The following SIPA1L3 variants were observed in gnomAD, a reference collection of about 807,000 sequenced individuals.
SIPA1L3 encodes signal induced proliferation associated 1 like 3.
A neutral mutation model predicts 150.1 loss-of-function variants in SIPA1L3; 59 were observed. That is an observed-to-expected ratio of 0.39 (90% confidence interval 0.32 to 0.49). The LOEUF is 0.49. Among genes scored for constraint, SIPA1L3 ranks in the 20% least tolerant of loss-of-function variants. The probability of loss-of-function intolerance (pLI) is 0.86; values close to 1 mark genes in which losing one functional copy is unlikely to be tolerated. For missense variants in SIPA1L3, 2,211 were observed against 2,489.5 expected (o/e 0.89, Z 2.38); for synonymous variants, 1,070 against 1,077.6 (o/e 0.99, Z 0.14).
At chr19:38,195,765 G>C (rs1285583063) in intron 18 of SIPA1L3, among the ~76,000 whole-genome samples, 1 of 139,420 alleles carries the variant, frequency 7.2e-6, no homozygotes, top group Non-Finnish European at 1.5e-5. Flanking sequence ...CCCCTACCAG[G>C]CTGAGTCAGG....
At chr19:38,116,525 C>CA (rs1197701775) in intron 8 of SIPA1L3, among the ~76,000 whole-genome samples, 889 of 83,296 alleles carry the variant, frequency 0.011, 12 homozygotes, top group East Asian at 0.069. Flanking sequence ...GACTCTGTCT[C>CA]AAAAAAAAAA....
chr19:38,114,084 G>A (rs1251122639), intron 8 of SIPA1L3, among the ~76,000 whole-genome samples: 1 of 152,092 alleles, frequency 6.6e-6, no homozygotes, highest in East Asian at 1.9e-4. Flanking sequence ...TATAGGAAAA[G>A]CCTAAATCTG....
chr19:38,105,159 C>T (rs997135256), intron 6 of SIPA1L3, among the ~76,000 whole-genome samples: 1 of 151,940 alleles, frequency 6.6e-6, no homozygotes, highest in South Asian at 2.1e-4. Context: ...GGGGTTCAAC[C>T]AGCCTGGGCA....
chr19:37,987,344 G>A (rs575496148), intron 1 of SIPA1L3, among the ~76,000 whole-genome samples: 6 of 152,260 alleles, frequency 3.9e-5, no homozygotes, highest in African/African-American at 9.6e-5. Flanking sequence ...TCTGGGACAC[G>A]CACTTTGAAT....
In SIPA1L3 at chr19:37,976,275, G is replaced by A. The variant is rs544600156; in HGVS notation, c.-378-52814G>A. ...TCCTTGGGTCTTCGTCTTGTTGTAC[G>A]TCTCTTATTGGGTTTCTCTCCCTGG... On this transcript the variant is annotated intron_variant, in intron 1 of 21. Transcript: ENST00000222345. Among the ~76,000 whole-genome samples, 9 of 152,170 alleles carry A rather than the reference G, an allele frequency of 5.9e-5. No homozygotes were observed. The East Asian group carries it at 1.4e-3, about 23-fold the overall frequency.
chr19:37,960,277 G>A (rs2046845385), intron 1 of SIPA1L3, among the ~76,000 whole-genome samples: 1 of 152,120 alleles, frequency 6.6e-6, no homozygotes. Context: ...TTTGGTGCAG[G>A]GTCTTGCTCT....
At chr19:37,941,947 A>C (rs1043790632) in intron 1 of SIPA1L3, among the ~76,000 whole-genome samples, 3 of 152,228 alleles carry the variant, frequency 2.0e-5, no homozygotes, top group African/African-American at 7.2e-5. Flanking sequence ...TGAGAGCAGT[A>C]GCACGCTTGA....
In SIPA1L3 at chr19:38,206,146, A is replaced by G. The variant is rs1209783183; in HGVS notation, c.5252A>G (p.Gln1751Arg). The change falls in exon 22 of 22, where the codon CAG becomes CGG. Residue 1751 changes from glutamine (Q) to arginine (R), a missense_variant. Gln to Arg is a conservative substitution (Grantham distance 43). Around this residue, in one of 5 missense-constraint regions of SIPA1L3, gnomAD observed 63 missense variants for 106.1 expected, o/e 0.59. Transcript: ENST00000222345. ...VLQSEVASLR[Q>R]NNQRLQEESQ... is the part of the protein sequence containing the mutation. The stretch of plus-strand genomic sequence containing the variant: ...CAGTCAGAGGTGGCCAGCCTGCGGC[A>G]GAACAACCAGCGGCTGCAGGAGGAG... 1.9e-6 allele frequency: 3 copies of G among 1,551,282 alleles called. No homozygotes were observed. The highest frequency in any genetic ancestry group is 1.7e-6 in the Non-Finnish European group (2 of 1,146,970).
At chr19:38,160,406 CT>C (rs1013776043) in intron 13 of SIPA1L3, among the ~76,000 whole-genome samples, 173 of 134,788 alleles carry the variant, frequency 1.3e-3, no homozygotes, top group Admixed American at 1.1e-3. Flanking sequence ...AGCTGCTACT[CT>C]TTTTTTTTTT....
Position 38,192,315 on chromosome 19 carries a change from G to A in SIPA1L3, c.4596+5G>A, listed in dbSNP as rs910097677. On this transcript the variant is annotated splice_donor_5th_base_variant and intron_variant, in intron 17 of 21. Coordinates refer to ENST00000222345, the MANE Select transcript of SIPA1L3 (RefSeq NM_015073.3). ...GAGCAGGAGAGAGACACGGGAGTAC[G>A]TAGGGCCCTGTCCCCCGCTCCCGAC... 4.4e-6 allele frequency: 7 copies of A among 1,592,578 alleles called. No homozygotes were observed. The South Asian group carries it at 5.7e-5, about 13-fold the overall frequency.
chr19:38,104,037 A>G (rs1006892739), intron 6 of SIPA1L3, among the ~76,000 whole-genome samples: 1 of 151,900 alleles, frequency 6.6e-6, no homozygotes, highest in East Asian at 1.9e-4. Context: ...TGGGGAATGG[A>G]CTACCACTGT....
At chr19:37,996,992 C>A (rs833899) in intron 1 of SIPA1L3, among the ~76,000 whole-genome samples, 57,798 of 151,866 alleles carry the variant, frequency 0.38, 11,265 homozygotes, top group South Asian at 0.47. Context: ...CCACCGTGCC[C>A]GGCCAATCCT....
intron 10 of SIPA1L3, among the ~76,000 whole-genome samples, chr19:38,134,403 CAAAAAA>C (rs1175309814): frequency 1.6e-5 from 1 of 64,052 alleles, no homozygotes; most frequent in South Asian, 6.6e-4. Flanking sequence ...CAAGCTTTCT[CAAAAAA>C]AAAAAAAAAA....
intron 7 of SIPA1L3, 118 bp from the exon 8 acceptor site, chr19:38,110,109 G>A: frequency 3.1e-6 from 3 of 969,214 alleles, no homozygotes; most frequent in Non-Finnish European, 4.8e-6. Flanking sequence ...TCCTTGGGCT[G>A]TGTGTGAGCA....
chr19:37,998,632 AAATT>A (rs1967701846), intron 1 of SIPA1L3, among the ~76,000 whole-genome samples: 1 of 152,098 alleles, frequency 6.6e-6, no homozygotes, highest in Non-Finnish European at 1.5e-5. Flanking sequence ...AAGTAAAAAT[AAATT>A]AATTAACCAG....
chr19:38,187,472 CT>C (rs1404592770), intron 16 of SIPA1L3, among the ~76,000 whole-genome samples: 6 of 151,402 alleles, frequency 4.0e-5, no homozygotes, highest in African/African-American at 1.5e-4. Flanking sequence ...ACAAAAGGCA[CT>C]TTGGGAGGCC....
intron 1 of SIPA1L3, among the ~76,000 whole-genome samples, chr19:37,936,875 C>G: frequency 6.6e-6 from 1 of 152,180 alleles, no homozygotes; most frequent in Non-Finnish European, 1.5e-5. Context: ...CTACTCCATC[C>G]CCTCCACTCC....
At chr19:37,915,427 G>A (rs1039831771) in intron 1 of SIPA1L3, among the ~76,000 whole-genome samples, 23 of 151,840 alleles carry the variant, frequency 1.5e-4, no homozygotes, top group Non-Finnish European at 2.8e-4. Flanking sequence ...TGTTGCCCAC[G>A]CTGGAGTGCA....
chr19:38,096,085 G>A (rs978195907), intron 4 of SIPA1L3, among the ~76,000 whole-genome samples: 8 of 152,192 alleles, frequency 5.3e-5, no homozygotes, highest in Non-Finnish European at 1.2e-4. Context: ...GGGGCCAGAA[G>A]TGGGATCATT....
Sources: gnomAD v4.1 joint callset for allele counts (sites outside exome capture counted in the v4.1 genomes callset) on GRCh38, gnomAD v4.1.1 for gene constraint, gnomAD v4.1.1 regional missense constraint, MANE v1.5 for transcripts, NCBI Gene and HGNC (gene_info 2026-07-23, HGNC 2026-07-21) for gene names.